Variants in EPS8 observed in about 807,000 individuals in gnomAD.
EPS8 encodes epidermal growth factor receptor kinase substrate 8.
EPS8 carries 42 observed loss-of-function variants against 103.8 expected under a neutral mutation model. The observed-to-expected ratio is 0.40, with a 90% CI of 0.32 to 0.52. The LOEUF is 0.52. Among genes scored for constraint, EPS8 ranks in the 20% least tolerant of loss-of-function variants. The pLI is 0.40. For synonymous variants in EPS8, 344 were observed against 344.6 expected (o/e 1.00, Z 0.02); for missense variants, 969 against 1,005.1 (o/e 0.96, Z 0.49).
chr12:15,725,364 T>C lies in EPS8; in HGVS notation c.-21-42392A>G, dbSNP rs758160735. On this transcript the variant is annotated intron_variant, in intron 1 of 20. Coordinates refer to ENST00000281172, the MANE Select transcript of EPS8 (RefSeq NM_004447.6). The surrounding 1 kb of genome is among the most constrained non-coding windows in gnomAD (Gnocchi z 4.5). ...GCTCACACCTGTAATCCCAGCTACTTGGGAGGCCGAGGCAGGAGGATCACT... is the reference window on the plus strand; with the variant it reads ...GCTCACACCTGTAATCCCAGCTACTCGGGAGGCCGAGGCAGGAGGATCACT... 6.6e-5 allele frequency among the ~76,000 whole-genome samples: 10 copies of C among 151,654 alleles called. No homozygotes were observed. The highest frequency in any genetic ancestry group is 1.3e-4 in the Admixed American group (2 of 15,214).
Position 15,665,835 on chromosome 12 carries a change from C to A in EPS8, c.657G>T (p.Ala219=), listed in dbSNP as rs772702022. 1 of 1,613,788 alleles carries A rather than the reference C, an allele frequency of 6.2e-7. No individual in the cohort carries two copies. The change falls in exon 8 of 21, where the codon GCG becomes GCT. Residue 219 remains alanine, a synonymous_variant. Coordinates refer to ENST00000281172, the MANE Select transcript of EPS8 (RefSeq NM_004447.6). ...CCACCTGGGTGACGGTCCCAGGGGGCGCAGGGGCAGGAGCTCTGGGTGGAG... is the reference window on the plus strand; with the variant it reads ...CCACCTGGGTGACGGTCCCAGGGGGAGCAGGGGCAGGAGCTCTGGGTGGAG... ...IPPPPRAPAP[A]PPGTVTQVDV...
Position 15,749,328 on chromosome 12 carries a change from G to A in EPS8, c.-22+39833C>T, listed in dbSNP as rs1946907421. On this transcript the variant is annotated intron_variant, in intron 1 of 20. Coordinates refer to ENST00000281172, the MANE Select transcript of EPS8 (RefSeq NM_004447.6). This position sits in a 1 kb window ranked among gnomAD's most constrained non-coding sequence, Gnocchi z 4.0. ...GACAATTCATGCATTATAATTTATT[G>A]AAATTCTTATTTGCTTGTCTATCAC... 6.6e-6 allele frequency among the ~76,000 whole-genome samples: 1 copy of A among 151,962 alleles called. No individual in the cohort carries two copies. The highest frequency in any genetic ancestry group is 1.5e-5 in the Non-Finnish European group (1 of 67,996).
intron 8 of EPS8, chr12:15,662,582 T>C (rs1325418152): frequency 9.1e-6 from 9 of 985,880 alleles, no homozygotes; most frequent in Non-Finnish European, 1.1e-5. Context: ...TCTAGTGTAA[T>C]TAAGCTTAAA....
At chr12:15,633,117 C>CTT (rs1945078210) in intron 17 of EPS8, among the ~76,000 whole-genome samples, 1 of 152,050 alleles carries the variant, frequency 6.6e-6, no homozygotes, top group Admixed American at 6.6e-5. Context: ...AACTGAGTTG[C>CTT]TAATCCCCTT....
intron 12 of EPS8, among the ~76,000 whole-genome samples, chr12:15,656,564 G>A (rs766506326): frequency 1.6e-4 from 25 of 152,066 alleles, no homozygotes; most frequent in Non-Finnish European, 2.6e-4. Flanking sequence ...TATCCCTGGG[G>A]AAAGAAGGAT....
At chr12:15,718,324 A>C (rs2135972094) in intron 1 of EPS8, among the ~76,000 whole-genome samples, 1 of 152,362 alleles carries the variant, frequency 6.6e-6, no homozygotes, top group African/African-American at 2.4e-5. Flanking sequence ...TTTCAACATA[A>C]AATTTCTGAA....
At chr12:15,699,246 C>G (rs1030614684) in intron 1 of EPS8, among the ~76,000 whole-genome samples, 1 of 152,140 alleles carries the variant, frequency 6.6e-6, no homozygotes, top group African/African-American at 2.4e-5. Context: ...CTGAGTATGT[C>G]CCAGAGCTTT....
At chr12:15,647,307 G>C in intron 14 of EPS8, 47 bp from the exon 15 acceptor site, 1 of 1,555,266 alleles carries the variant, frequency 6.4e-7, no homozygotes, top group Non-Finnish European at 8.8e-7. Flanking sequence ...AATACTATTT[G>C]AATCAGCACT....
chr12:15,672,671 A>G (rs1427188155), intron 3 of EPS8, among the ~76,000 whole-genome samples: 3 of 152,236 alleles, frequency 2.0e-5, no homozygotes, highest in African/African-American at 7.2e-5. Context: ...TCAGTGTGAG[A>G]TATTAACACA....
intron 3 of EPS8, among the ~76,000 whole-genome samples, chr12:15,676,337 G>A (rs1221743716): frequency 6.8e-6 from 1 of 147,272 alleles, no homozygotes; most frequent in Non-Finnish European, 1.5e-5. Context: ...TTTTTATCTA[G>A]TTTCCCAGCC....
chr12:15,770,958 G>A (rs1947148152), intron 1 of EPS8, among the ~76,000 whole-genome samples: 1 of 152,150 alleles, frequency 6.6e-6, no homozygotes. Context: ...TTTAAGGCCT[G>A]TCCAAAAGTA....
At chr12:15,685,999 T>A (rs905443955) in intron 1 of EPS8, among the ~76,000 whole-genome samples, 7 of 152,178 alleles carry the variant, frequency 4.6e-5, no homozygotes, top group African/African-American at 1.7e-4. Context: ...GCTGAAAGTA[T>A]ACACTAAAGC....
rs1265833323 is a variant in EPS8, at chr12:15,759,852, T to C, written c.-22+29309A>G. On this transcript the variant is annotated intron_variant, in intron 1 of 20. Transcript: ENST00000281172. The surrounding 1 kb of genome is among the most constrained non-coding windows in gnomAD (Gnocchi z 4.9). ...AGGAAAGTTTATAGCTATAAGTGCC[T>C]ACATCAAAAAAGAAGAAAAACTTCA... 1.3e-5 allele frequency among the ~76,000 whole-genome samples: 2 copies of C among 151,726 alleles called. No homozygotes were observed. The highest frequency in any genetic ancestry group is 2.9e-5 in the Non-Finnish European group (2 of 67,850).
rs1054117267 is a variant in EPS8 at position 15,701,567 on chromosome 12, C to T, written c.-21-18595G>A. On this transcript the variant is annotated intron_variant, in intron 1 of 20. Coordinates refer to ENST00000281172, the MANE Select transcript of EPS8 (RefSeq NM_004447.6). This position sits in a 1 kb window ranked among gnomAD's most constrained non-coding sequence, Gnocchi z 5.1. The stretch of plus-strand genomic sequence containing the variant: ...ATCCATGCCTGGATTCAGGTATGTC[C>T]TTCTCATCCATTAGTTTAAAATTTT... 3.3e-5 allele frequency among the ~76,000 whole-genome samples: 5 copies of T among 152,140 alleles called. No individual in the cohort carries two copies. The highest frequency in any genetic ancestry group is 9.7e-5 in the African/African-American group (4 of 41,434).
intron 6 of EPS8, 52 bp downstream of exon 6, chr12:15,669,335 G>A: frequency 6.6e-7 from 1 of 1,513,140 alleles, no homozygotes; most frequent in Non-Finnish European, 8.9e-7. Context: ...TAATTCAAAA[G>A]CTCCCAGACA....
chr12:15,623,003 C>G (rs1162584870), intron 20 of EPS8, among the ~76,000 whole-genome samples, 155 bp downstream of exon 20: 3 of 152,230 alleles, frequency 2.0e-5, no homozygotes. Flanking sequence ...CTTCTGGAAA[C>G]TGTCATTGAT....
At position 15,713,626 on chromosome 12, in the gene EPS8, ACTC is replaced by A. The variant is rs1946495724; in HGVS notation, c.-21-30657_-21-30655del. ...TTTCCAGCCCCATTAAACCTTCACA[ACTC>A]TAAAGCAGTCCTGATACTTATGCAG... On this transcript the variant is annotated intron_variant, in intron 1 of 20. Transcript: ENST00000281172. This position sits in a 1 kb window ranked among gnomAD's most constrained non-coding sequence, Gnocchi z 4.8. 6.6e-6 allele frequency among the ~76,000 whole-genome samples: 1 copy of A among 152,066 alleles called. No homozygotes were observed. The highest frequency in any genetic ancestry group is 1.5e-5 in the Non-Finnish European group (1 of 68,010).
chr12:15,722,182 T>C (rs1393779193), intron 1 of EPS8, among the ~76,000 whole-genome samples: 3 of 148,588 alleles, frequency 2.0e-5, no homozygotes, highest in Non-Finnish European at 4.4e-5. Flanking sequence ...ACACTAACGA[T>C]AGCTGATGAG....
At position 15,745,627 on chromosome 12, in the gene EPS8, A is replaced by C. The variant is rs565528326; in HGVS notation, c.-22+43534T>G. Among the ~76,000 whole-genome samples the C allele has an allele frequency of 3.9e-5, 6 of 152,272 alleles. No homozygotes were observed. The South Asian group carries it at 1.2e-3, about 32-fold the overall frequency. ...TTTTATTTTGTCAGGTGAGTGTAGC[A>C]ATCATTGCTAGCAAAATATAGACCT... is the stretch of plus-strand genomic sequence containing the variant. On this transcript the variant is annotated intron_variant, in intron 1 of 20. Coordinates refer to ENST00000281172, the MANE Select transcript of EPS8 (RefSeq NM_004447.6). This position sits in a 1 kb window ranked among gnomAD's most constrained non-coding sequence, Gnocchi z 4.6.
Sources: gnomAD v4.1 joint callset for allele counts (sites outside exome capture counted in the v4.1 genomes callset) on GRCh38, gnomAD v4.1.1 for gene constraint, Gnocchi (gnomAD v3.1) non-coding constraint, MANE v1.5 for transcripts, NCBI Gene and HGNC (gene_info 2026-07-23, HGNC 2026-07-21) for gene names.